RERE: variants seen among roughly 807,000 people sequenced by gnomAD.
RERE encodes arginine-glutamic acid dipeptide repeats.
RERE carries 40 observed loss-of-function variants against 146.1 expected under a neutral mutation model. That is an observed-to-expected ratio of 0.27 (90% CI 0.21 to 0.36). The LOEUF (loss-of-function observed/expected upper bound fraction) is 0.36, where lower values mean the gene tolerates loss of function less well. Ranked by LOEUF, RERE falls within the 10% of genes least tolerant of loss-of-function variation. The pLI, the probability that RERE is intolerant of heterozygous loss-of-function variation, is 1.00. For synonymous variants in RERE, 1,003 were observed against 866.0 expected, an observed-to-expected ratio of 1.16 and a Z score of -2.78; for missense variants, 1,933 against 2,138.7, an observed-to-expected ratio of 0.90 and a Z score of 1.90.
intron 7 of RERE, among the ~76,000 whole-genome samples, chr1:8,539,621 G>T (rs1297560124): frequency 6.6e-6 from 1 of 152,122 alleles, no homozygotes; most frequent in Non-Finnish European, 1.5e-5. Flanking sequence ...GGCCAGGCTG[G>T]TCTTAAACTC....
chr1:8,361,292 G>C lies in RERE; in HGVS notation c.2215C>G (p.Pro739Ala), dbSNP rs756344328. ...ACCCCAGTGGGAGCCTGCAAGGCTG[G>C]GGGCTGGGCCTGCAGCATCTGCTGC... ...AQQQMLQAQP[P>A]ALQAPTGVTP... is the part of the protein sequence containing the mutation. Residue 739 changes from proline to alanine, a missense_variant, in exon 18 of 23, where the codon CCA becomes GCA. By Grantham distance (27) the Pro-to-Ala change is conservative. Coordinates refer to ENST00000400908, the MANE Select transcript of RERE (RefSeq NM_001042681.2). 1 of 1,605,488 alleles carries C rather than the reference G, an allele frequency of 6.2e-7. No individual in the cohort carries two copies. Among genetic ancestry groups the C allele is most frequent in the East Asian group, 2.2e-5 (1 of 44,822 alleles).
At chr1:8,437,915 C>G (rs543592878) in intron 11 of RERE, among the ~76,000 whole-genome samples, 1 of 150,110 alleles carries the variant, frequency 6.7e-6, no homozygotes, top group Non-Finnish European at 1.5e-5. Context: ...CCTTTTCATC[C>G]TCGTTTGTGA....
At chr1:8,670,546 C>A (rs1638688308) in intron 1 of RERE, among the ~76,000 whole-genome samples, 1 of 152,092 alleles carries the variant, frequency 6.6e-6, no homozygotes, top group Admixed American at 6.5e-5. Context: ...AAAAATAAAG[C>A]TGGGCAATGG....
intron 11 of RERE, among the ~76,000 whole-genome samples, chr1:8,432,423 C>T (rs1557629512): frequency 6.6e-6 from 1 of 151,584 alleles, no homozygotes; most frequent in Non-Finnish European, 1.5e-5. Flanking sequence ...ACTGAGTGAA[C>T]AAGGAGCACA....
rs764558274 is a variant in RERE, at chr1:8,364,756, G to A, written c.1530C>T (p.Cys510=). Residue 510 remains cysteine (C), a synonymous_variant, in exon 14 of 23, where the codon TGC becomes TGT. Coordinates refer to ENST00000400908, the MANE Select transcript of RERE (RefSeq NM_001042681.2). The surrounding 1 kb of genome is among the most constrained non-coding windows in gnomAD (Gnocchi z 5.1). ...QELKGYACRH[C]FTTTSKDWHH... ...GACGAGGCCACTTACTGGTGGTGAA[G>A]CAGTGGCGGCAGGCGTACCCCTTCA... 7.4e-6 allele frequency: 12 copies of A among 1,612,856 alleles called. No homozygotes were observed. In the East Asian group the frequency reaches 2.2e-4, roughly 30 times the overall value.
chr1:8,411,667 T>G (rs1035280562), intron 12 of RERE, among the ~76,000 whole-genome samples: 1 of 152,204 alleles, frequency 6.6e-6, no homozygotes, highest in Non-Finnish European at 1.5e-5. Flanking sequence ...GAGTCCCACC[T>G]AAATTCCTGA....
Position 8,364,084 on chromosome 1 carries a change from C to T in RERE, c.1712G>A (p.Ser571Asn), listed in dbSNP as rs1048848500. Reference protein sequence around the residue: ...EEDDGLSGKHSMRTRRSRGSM... With the variant: ...EEDDGLSGKHNMRTRRSRGSM... Reference sequence around the variant, plus strand: ...GCCCCGACTCCGCCGTGTCCTCATGCTATGCTTCCCACTGAGCCCATCATC... The same window carrying T: ...GCCCCGACTCCGCCGTGTCCTCATGTTATGCTTCCCACTGAGCCCATCATC... Residue 571 changes from serine to asparagine, a missense_variant, in exon 15 of 23, where the codon AGC (serine) becomes AAC (asparagine). Physicochemically the swap from Ser to Asn is conservative, Grantham distance 46. Around this residue, in one of 11 missense-constraint regions of RERE, gnomAD observed 1,255 missense variants for 1,153.8 expected, o/e 1.09. Coordinates refer to ENST00000400908, the MANE Select transcript of RERE (RefSeq NM_001042681.2). The surrounding 1 kb of genome is among the most constrained non-coding windows in gnomAD (Gnocchi z 5.1). The T allele has an allele frequency of 3.7e-6, 6 of 1,614,080 alleles. No individual in the cohort carries two copies. The Admixed American group carries it at 5.0e-5, about 13-fold the overall frequency.
intron 17 of RERE, 78 bp from the exon 18 acceptor site, chr1:8,361,568 A>G (rs554595190): frequency 6.5e-7 from 1 of 1,550,256 alleles, no homozygotes; most frequent in East Asian, 2.2e-5. Flanking sequence ...TGCCGGACAC[A>G]CAGTAATGTT....
chr1:8,468,874 G>A, intron 10 of RERE, among the ~76,000 whole-genome samples: 1 of 151,634 alleles, frequency 6.6e-6, no homozygotes, highest in East Asian at 1.9e-4. Context: ...ACAAGTCCGG[G>A]TGACAGAGTG....
At chr1:8,426,586 C>T (rs1644016707) in intron 11 of RERE, among the ~76,000 whole-genome samples, 1 of 152,166 alleles carries the variant, frequency 6.6e-6, no homozygotes, top group Non-Finnish European at 1.5e-5. Context: ...CATTTAAAAG[C>T]CTCTGCCAAG....
intron 1 of RERE, among the ~76,000 whole-genome samples, chr1:8,703,994 ATAGCTTAAAT>A (rs1481563868): frequency 6.6e-6 from 1 of 152,224 alleles, no homozygotes; most frequent in Non-Finnish European, 1.5e-5. Context: ...TAGACAAGAC[ATAGCTTAAAT>A]TGTGCATGAT....
chr1:8,519,563 G>A (rs1266651726), intron 7 of RERE: 1 of 152,140 alleles, frequency 6.6e-6, no homozygotes, highest in Non-Finnish European at 1.5e-5. Flanking sequence ...ATGCAAGGTT[G>A]CTATAAAAAT....
At chr1:8,795,619 A>T (rs1301112875) in intron 1 of RERE, among the ~76,000 whole-genome samples, 1 of 152,108 alleles carries the variant, frequency 6.6e-6, no homozygotes, top group Non-Finnish European at 1.5e-5. Flanking sequence ...GCCAACCAGG[A>T]GTCATGGCTT....
intron 1 of RERE, among the ~76,000 whole-genome samples, chr1:8,717,211 G>A (rs72855896): frequency 0.019 from 2,839 of 152,188 alleles, 111 homozygotes; most frequent in African/African-American, 0.066. Context: ...ATGTTCCATA[G>A]TCAGCTAATG....
intron 10 of RERE, among the ~76,000 whole-genome samples, chr1:8,481,882 A>T (rs543112890): frequency 6.6e-6 from 1 of 152,310 alleles, no homozygotes; most frequent in East Asian, 1.9e-4. Flanking sequence ...TGAGCAGATG[A>T]GCTTTTAGGA....
intron 11 of RERE, among the ~76,000 whole-genome samples, chr1:8,459,260 T>C (rs956624778): frequency 3.2e-4 from 49 of 152,226 alleles, no homozygotes; most frequent in African/African-American, 1.1e-3. Flanking sequence ...ATTCTCACTA[T>C]AGGTCACATT....
intron 1 of RERE, among the ~76,000 whole-genome samples, chr1:8,747,165 C>G (rs1214850446): frequency 1.3e-5 from 2 of 152,030 alleles, no homozygotes; most frequent in Non-Finnish European, 2.9e-5. Context: ...CCACACCCAG[C>G]TAATTTTTTG....
intron 7 of RERE, among the ~76,000 whole-genome samples, chr1:8,539,463 T>C (rs1213498314): frequency 6.6e-6 from 1 of 152,010 alleles, no homozygotes; most frequent in Non-Finnish European, 1.5e-5. Context: ...TGAAGTGCAG[T>C]GGGGCAATCT....
intron 1 of RERE, among the ~76,000 whole-genome samples, chr1:8,725,548 A>G (rs1156877078): frequency 1.3e-5 from 2 of 152,234 alleles, no homozygotes; most frequent in African/African-American, 4.8e-5. Flanking sequence ...CCTGAGCAAC[A>G]GAGTGAAATT....
Sources: gnomAD v4.1 joint callset for allele counts (sites outside exome capture counted in the v4.1 genomes callset) on GRCh38, gnomAD v4.1.1 for gene constraint, gnomAD v4.1.1 regional missense constraint, Gnocchi (gnomAD v3.1) non-coding constraint, MANE v1.5 for transcripts, NCBI Gene and HGNC (gene_info 2026-07-23, HGNC 2026-07-21) for gene names.